The following SESTD1 variants were observed in gnomAD, a reference collection of about 807,000 sequenced individuals.
The protein encoded by SESTD1 is SEC14 and spectrin domain containing 1, also known as SEC14 domain and spectrin repeat-containing protein 1.
A neutral mutation model predicts 101.7 loss-of-function variants in SESTD1; 43 were observed. The ratio of observed to expected loss-of-function variants is 0.42; its 90% CI spans 0.33 to 0.55. The LOEUF (loss-of-function observed/expected upper bound fraction) is 0.55. SESTD1 is among the 20% of genes least tolerant of loss of function. The probability of loss-of-function intolerance (pLI) is 0.07; values close to 1 mark genes in which losing one functional copy is unlikely to be tolerated. For missense variants in SESTD1, 647 were observed against 815.1 expected (o/e 0.79, Z 2.51); for synonymous variants, 283 against 286.8 (o/e 0.99, Z 0.13).
In SESTD1 at chr2:179,105,774, T is replaced by C. The variant is rs925333449; in HGVS notation, c.*4125A>G. On this transcript the variant is annotated 3_prime_UTR_variant, in exon 18 of 18. Transcript: ENST00000428443. Reference sequence around the variant, plus strand: ...TCTCTGTTTTACAGCCTGAGATAAATTCTCAGATATTTTTTTAACAGTAAA... The same window carrying C: ...TCTCTGTTTTACAGCCTGAGATAAACTCTCAGATATTTTTTTAACAGTAAA... The C allele has an allele frequency of 6.6e-6, 1 of 152,162 alleles. No homozygotes were observed. Among genetic ancestry groups the C allele is most frequent in the Non-Finnish European group, 1.5e-5 (1 of 68,030 alleles). The allele number at this position is 152,162 out of a possible 1,614,324, so 9.4% of individuals were successfully genotyped here.
chr2:179,161,096 A>C (rs931106513), intron 5 of SESTD1, among the ~76,000 whole-genome samples: 2 of 106,956 alleles, frequency 1.9e-5, no homozygotes, highest in Non-Finnish European at 3.8e-5. Flanking sequence ...TTTTTTTTTA[A>C]TTTTTTGTAG....
rs2044287206 is a variant in SESTD1, at chr2:179,102,174, A to G, written c.*7725T>C. On this transcript the variant is annotated 3_prime_UTR_variant, in exon 18 of 18. Transcript: ENST00000428443. ...ATTTCTGACAACATGAGACGTAGAG[A>G]AAGCACTGAACTTCTGTGCCAAGCC... 2 of 152,280 alleles carry G rather than the reference A, an allele frequency of 1.3e-5. No individual in the cohort carries two copies. The highest frequency in any genetic ancestry group is 4.1e-4 in the South Asian group (2 of 4,832). 9.4% of individuals were successfully genotyped at this position (152,280 alleles called of 1,614,324 possible).
Position 179,151,369 on chromosome 2 carries a change from T to C in SESTD1, c.392A>G (p.Lys131Arg). 6.2e-7 allele frequency: 1 copy of C among 1,603,136 alleles called. No individual in the cohort carries two copies. The highest frequency in any genetic ancestry group is 2.3e-5 in the East Asian group (1 of 44,250). The change falls in exon 6 of 18, where the codon AAA (lysine) becomes AGA (arginine). Residue 131 changes from lysine to arginine, a missense_variant. By Grantham distance (26) the Lys-to-Arg change is conservative. This residue lies in a region of SESTD1 where 168 missense variants were observed against 235.1 expected (regional missense o/e 0.71). Coordinates refer to ENST00000428443, the MANE Select transcript of SESTD1 (RefSeq NM_178123.5). ...GFEVILVSAN[K>R]LTRYIEPCQL... ...GCATGGTTCTATATAACGAGTCAAT[T>C]TGTTGGCGGACACTAAAATAACCTA... is the stretch of plus-strand genomic sequence containing the variant.
Position 179,109,839 on chromosome 2 carries a change from TGTA to T in SESTD1, c.*57_*59del. 5.7e-6 allele frequency: 9 copies of T among 1,588,882 alleles called. No homozygotes were observed. Among genetic ancestry groups the T allele is most frequent in the Non-Finnish European group, 7.7e-6 (9 of 1,166,544 alleles). On this transcript the variant is annotated 3_prime_UTR_variant, in exon 18 of 18. Transcript: ENST00000428443. ...CATCTTAAGGTGTGGTGGCTAATGC[TGTA>T]GTATGTTGACAACATGCGGGATTAT...
intron 5 of SESTD1, among the ~76,000 whole-genome samples, chr2:179,155,435 A>G (rs981219264): frequency 6.6e-6 from 1 of 152,256 alleles, no homozygotes. Flanking sequence ...ATCTGAAAAG[A>G]TAAAATCCCA....
chr2:179,114,645 A>G (rs2044587932), intron 16 of SESTD1, among the ~76,000 whole-genome samples: 1 of 152,182 alleles, frequency 6.6e-6, no homozygotes, highest in Non-Finnish European at 1.5e-5. Context: ...TATTTTTTTA[A>G]TGTCCCGACT....
At chr2:179,251,666 A>G (rs10205999) in intron 1 of SESTD1, among the ~76,000 whole-genome samples, 68,428 of 152,090 alleles carry the variant, frequency 0.45, 18,272 homozygotes, top group African/African-American at 0.75. Context: ...TCTAATGTGA[A>G]GGTATTAGGA....
intron 1 of SESTD1, among the ~76,000 whole-genome samples, chr2:179,203,799 A>C (rs894901237): frequency 2.2e-5 from 3 of 134,116 alleles, no homozygotes; most frequent in Admixed American, 2.2e-4. Context: ...AAGTGAAGAC[A>C]GCCTGAGCCT....
intron 9 of SESTD1, among the ~76,000 whole-genome samples, chr2:179,133,373 T>G (rs1380543885): frequency 6.6e-6 from 1 of 152,192 alleles, no homozygotes; most frequent in Admixed American, 6.5e-5. Flanking sequence ...TATTGCCTAG[T>G]AACGTAGTTG....
chr2:179,130,860 TA>T (rs935929086), intron 10 of SESTD1, among the ~76,000 whole-genome samples: 53 of 149,540 alleles, frequency 3.5e-4, no homozygotes, highest in African/African-American at 9.3e-4. Flanking sequence ...CAATCCATGT[TA>T]AAAAAAAAAT....
At chr2:179,185,682 T>C (rs1287064853) in intron 2 of SESTD1, among the ~76,000 whole-genome samples, 1 of 107,842 alleles carries the variant, frequency 9.3e-6, no homozygotes, top group Non-Finnish European at 1.8e-5. Context: ...TATAGCATAT[T>C]ATATATAATA....
intron 10 of SESTD1, among the ~76,000 whole-genome samples, chr2:179,128,306 T>C (rs905545473): frequency 1.3e-5 from 2 of 152,200 alleles, no homozygotes; most frequent in African/African-American, 4.8e-5. Context: ...CACCTGAAAT[T>C]AGAGACATTG....
chr2:179,125,318 A>C (rs1331500070), intron 10 of SESTD1, among the ~76,000 whole-genome samples: 2 of 152,172 alleles, frequency 1.3e-5, no homozygotes, highest in Non-Finnish European at 2.9e-5. Context: ...CATCCAGCAC[A>C]TGAGAACCTC....
chr2:179,112,220 T>G (rs1382139585), intron 17 of SESTD1, among the ~76,000 whole-genome samples: 3 of 152,196 alleles, frequency 2.0e-5, no homozygotes, highest in Admixed American at 2.0e-4. Flanking sequence ...AAGTTTATGC[T>G]AACTCTTAGA....
At chr2:179,246,057 C>G (rs998222412) in intron 1 of SESTD1, among the ~76,000 whole-genome samples, 2 of 152,116 alleles carry the variant, frequency 1.3e-5, no homozygotes, top group Non-Finnish European at 2.9e-5. Context: ...GAGTTCGAGA[C>G]CAGCCTGGTC....
intron 1 of SESTD1, among the ~76,000 whole-genome samples, chr2:179,221,736 A>G (rs972749549): frequency 4.0e-5 from 6 of 151,628 alleles, no homozygotes; most frequent in Admixed American, 6.6e-5. Context: ...TGGGCAACAC[A>G]GTGTGACCCC....
intron 1 of SESTD1, among the ~76,000 whole-genome samples, chr2:179,230,880 T>C (rs2046978024): frequency 6.6e-6 from 1 of 152,050 alleles, no homozygotes; most frequent in African/African-American, 2.4e-5. Flanking sequence ...TTCTAAAATA[T>C]ATTATAGTAA....
intron 1 of SESTD1, among the ~76,000 whole-genome samples, chr2:179,214,970 C>G (rs1290634893): frequency 7.4e-6 from 1 of 134,782 alleles, no homozygotes; most frequent in Non-Finnish European, 1.6e-5. Flanking sequence ...ACCAGAATCT[C>G]CGAGACACAT....
At chr2:179,120,416 A>AAAGT (rs1435465633) in intron 13 of SESTD1, among the ~76,000 whole-genome samples, 5 of 152,006 alleles carry the variant, frequency 3.3e-5, no homozygotes, top group Non-Finnish European at 7.3e-5. Context: ...TCTATTAAAG[A>AAAGT]AAGTAATTCA....
Sources: gnomAD v4.1 joint callset for allele counts (sites outside exome capture counted in the v4.1 genomes callset) on GRCh38, gnomAD v4.1.1 for gene constraint, gnomAD v4.1.1 regional missense constraint, MANE v1.5 for transcripts, NCBI Gene and HGNC (gene_info 2026-07-23, HGNC 2026-07-21) for gene names.